PDLIM7: variants seen among roughly 807,000 people sequenced by gnomAD.
The protein encoded by PDLIM7 is PDZ and LIM domain 7, also known as PDZ and LIM domain protein 7.
Under a neutral mutation model 53.9 loss-of-function variants are expected in PDLIM7, and 37 were observed. That is an observed-to-expected ratio of 0.69 (90% CI 0.53 to 0.90). The LOEUF (loss-of-function observed/expected upper bound fraction) is 0.90. Ranked by LOEUF, PDLIM7 falls within the 40% of genes least tolerant of loss-of-function variation. PDLIM7 has a pLI of 0.00. For synonymous variants in PDLIM7, 300 were observed against 261.3 expected, an observed-to-expected ratio of 1.15 and a Z score of -1.43; for missense variants, 617 against 638.5, an observed-to-expected ratio of 0.97 and a Z score of 0.36.
At position 177,489,846 on chromosome 5, in the gene PDLIM7, C is replaced by T; in HGVS notation, c.573-14G>A. On this transcript the variant is annotated splice_polypyrimidine_tract_variant and intron_variant, in intron 7 of 12. Coordinates refer to ENST00000355841, the MANE Select transcript of PDLIM7 (RefSeq NM_005451.5). The stretch of plus-strand genomic sequence containing the variant: ...CTGGGCACCTGGCTGCAAGATCTGC[C>T]ATTCAAGGCCCTGCATGGCTGAGCT... 1.9e-6 allele frequency: 3 copies of T among 1,580,326 alleles called. No homozygotes were observed. The highest frequency in any genetic ancestry group is 2.6e-6 in the Non-Finnish European group (3 of 1,164,776).
At chr5:177,483,758 G>A (rs1470750307) in intron 12 of PDLIM7, 28 bp from the exon 13 acceptor site, 1 of 1,593,936 alleles carries the variant, frequency 6.3e-7, no homozygotes, top group Non-Finnish European at 8.6e-7. Flanking sequence ...CCAGTCACAT[G>A]GGGTTGGGGG....
intron 10 of PDLIM7, among the ~76,000 whole-genome samples, chr5:177,486,249 C>T (rs578104963): frequency 2.6e-5 from 4 of 152,208 alleles, no homozygotes; most frequent in East Asian, 1.9e-4. Context: ...AAATTGTTTG[C>T]TACTGATTTT....
intron 7 of PDLIM7, chr5:177,490,255 G>C (rs1293185752): frequency 4.8e-6 from 7 of 1,447,360 alleles, no homozygotes; most frequent in Non-Finnish European, 5.4e-6. Flanking sequence ...GCAGGGCTGA[G>C]AATGTTTATT....
At chr5:177,484,040 C>T in intron 11 of PDLIM7, 30 bp downstream of exon 11, 1 of 1,613,510 alleles carries the variant, frequency 6.2e-7, no homozygotes, top group Middle Eastern at 1.6e-4. Flanking sequence ...CATGCACCAT[C>T]CCTCCTCACC....
intron 1 of PDLIM7, 128 bp downstream of exon 1, chr5:177,497,400 A>C (rs1394514766): frequency 6.6e-6 from 1 of 151,900 alleles, no homozygotes; most frequent in African/African-American, 2.4e-5. Flanking sequence ...GCGGGGGCGG[A>C]GGCAGGGGCC....
intron 5 of PDLIM7, 146 bp from the exon 6 acceptor site, chr5:177,491,292 G>A (rs2127413409): frequency 6.9e-7 from 1 of 1,445,190 alleles, no homozygotes; most frequent in South Asian, 1.2e-5. Flanking sequence ...GGGCGGGTAG[G>A]TGAGAGGACA....
At chr5:177,489,317 C>T in intron 9 of PDLIM7, 76 bp downstream of exon 9, 1 of 1,154,912 alleles carries the variant, frequency 8.7e-7, no homozygotes, top group African/African-American at 1.5e-5. Context: ...GCAGCTGAGG[C>T]AAGACAGGTG....
At chr5:177,492,940 C>T (rs1758881906) in intron 2 of PDLIM7, 1 of 492,962 alleles carries the variant, frequency 2.0e-6, no homozygotes. Context: ...CCTGAGCTTC[C>T]CCAGTCACGA....
chr5:177,488,839 G>A (rs533448558), intron 9 of PDLIM7, among the ~76,000 whole-genome samples: 23 of 151,798 alleles, frequency 1.5e-4, no homozygotes, highest in Middle Eastern at 6.8e-3. Flanking sequence ...GCAGTGAGCC[G>A]AGATCGCGCC....
chr5:177,488,368 T>C (rs1758569647), intron 9 of PDLIM7, 120 bp from the exon 10 acceptor site: 2 of 765,996 alleles, frequency 2.6e-6, no homozygotes, highest in Non-Finnish European at 2.0e-6. Flanking sequence ...TTCTCCCCAT[T>C]TTCCACATAG....
intron 5 of PDLIM7, chr5:177,491,489 C>T (rs1758780835): frequency 1.6e-6 from 2 of 1,277,652 alleles, no homozygotes; most frequent in Non-Finnish European, 2.2e-6. Flanking sequence ...GGAAGAAAGA[C>T]GGGGAGGGGT....
chr5:177,489,614 G>C lies in PDLIM7; in HGVS notation c.648C>G (p.Pro216=), dbSNP rs372400841. ...CCCAGGGCGGGCGGCTGGTAGGGCT[G>C]GGGGCGGTAGGGCCTGCCGGGGAAA... is the stretch of plus-strand genomic sequence containing the variant. ...PQEPWPGPTA[P]SPTSRPPWAV... Residue 216 remains proline (P), a synonymous_variant, in exon 9 of 13, where the codon CCC becomes CCG. Transcript: ENST00000355841. The C allele has an allele frequency of 6.1e-4, 970 of 1,597,246 alleles. 1 individual carries two copies. Among genetic ancestry groups the C allele is most frequent in the Non-Finnish European group, 7.5e-4 (885 of 1,173,864 alleles).
intron 1 of PDLIM7, chr5:177,496,738 C>T (rs1759093844): frequency 7.9e-6 from 3 of 378,590 alleles, no homozygotes; most frequent in Admixed American, 9.6e-5. Context: ...CCCCCCTCCC[C>T]TTGGGACTGG....
Position 177,484,125 on chromosome 5 carries a change from C to T in PDLIM7, c.1116G>A (p.Thr372=), listed in dbSNP as rs939042890. ...VHCFTCAACK[T]PIRNRAFYME... ...TGTAGAAGGCCCTGTTCCGGATGGG[C>T]GTCTTGCAGGCAGCACAGGTAAAGC... is the stretch of plus-strand genomic sequence containing the variant. The change falls in exon 11 of 13, where the codon ACG becomes ACA. Residue 372 remains threonine (T), a synonymous_variant. Transcript: ENST00000355841. 3.7e-6 allele frequency: 6 copies of T among 1,613,860 alleles called. No homozygotes were observed. Among genetic ancestry groups the T allele is most frequent in the African/African-American group, 2.7e-5 (2 of 74,898 alleles).
At position 177,496,418 on chromosome 5, in the gene PDLIM7, C is replaced by T. The variant is rs1759073661; in HGVS notation, c.95G>A (p.Arg32Gln). The T allele has an allele frequency of 1.9e-6, 3 of 1,589,270 alleles. No homozygotes were observed. Among genetic ancestry groups the T allele is most frequent in the Non-Finnish European group, 2.6e-6 (3 of 1,167,744 alleles). Residue 32 changes from arginine (R) to glutamine (Q), a missense_variant and splice_region_variant, in exon 2 of 13, where the codon CGG (arginine) becomes CAG (glutamine). By Grantham distance (43) the Arg-to-Gln change is conservative. Transcript: ENST00000355841. ...KDFNVPLSIS[R>Q]LTPGGKAAQA... The stretch of plus-strand genomic sequence containing the variant: ...CCCCCTCCCCAAACCTAGGCTCACC[C>T]GGGAAATGGAGAGGGGCACATTGAA...
Position 177,484,183 on chromosome 5 carries a change from ATG to A in PDLIM7, c.1056_1057del (p.Met353AlafsTer40). The A allele has an allele frequency of 6.2e-7, 1 of 1,613,444 alleles. No homozygotes were observed. The highest frequency in any genetic ancestry group is 8.5e-7 in the Non-Finnish European group (1 of 1,179,962). On this transcript the variant is annotated frameshift_variant, in exon 11 of 13. Coordinates refer to ENST00000355841, the MANE Select transcript of PDLIM7 (RefSeq NM_005451.5). LOFTEE classifies it high-confidence loss of function. ...GTGCCAGGTCATCTTCAGGGCGTGC[ATG>A]ATCTCCTGGAAGGAGGTCCCAGTCA...
At chr5:177,487,559 G>C (rs190718701) in intron 10 of PDLIM7, among the ~76,000 whole-genome samples, 4 of 152,372 alleles carry the variant, frequency 2.6e-5, no homozygotes, top group Admixed American at 2.6e-4. Context: ...GGGTCCACCA[G>C]ATCAGTCCCA....
At chr5:177,484,298 A>G (rs1758328758) in intron 10 of PDLIM7, 108 bp from the exon 11 acceptor site, 1 of 1,382,058 alleles carries the variant, frequency 7.2e-7, no homozygotes, top group Admixed American at 1.9e-5. Context: ...CTCGCGGTAA[A>G]CACTACATCT....
chr5:177,486,024 C>T (rs1381944923), intron 10 of PDLIM7, among the ~76,000 whole-genome samples: 2 of 152,106 alleles, frequency 1.3e-5, no homozygotes, highest in African/African-American at 4.8e-5. Context: ...TCTCACTTTC[C>T]CTCTGCCTCC....
Sources: allele counts gnomAD v4.1 joint callset (sites outside exome capture counted in the v4.1 genomes callset), GRCh38; gene constraint gnomAD v4.1.1; transcripts MANE v1.5; gene names NCBI Gene and HGNC (gene_info 2026-07-23, HGNC 2026-07-21).